The following CATSPERT variants were observed in gnomAD, a reference collection of about 807,000 sequenced individuals.
The protein encoded by CATSPERT is catsper channel auxiliary subunit tau, also known as cation channel sperm-associated targeting subunit tau.
the CATSPERT span, among the ~76,000 whole-genome samples, chr2:201,532,285 T>G: frequency 2.4e-4 from 36 of 152,362 alleles, no homozygotes; most frequent in East Asian, 2.7e-3. Flanking sequence ...TTGTCTTTTA[T>G]GTTCAACAAC....
the CATSPERT span, among the ~76,000 whole-genome samples, chr2:201,533,005 C>G: frequency 6.6e-6 from 1 of 152,192 alleles, no homozygotes; most frequent in East Asian, 1.9e-4. Flanking sequence ...AGTGGCATCT[C>G]AGGCCTTCTT....
At chr2:201,552,003 T>C in the CATSPERT span, among the ~76,000 whole-genome samples, 1 of 152,032 alleles carries the variant, frequency 6.6e-6, no homozygotes, top group Non-Finnish European at 1.5e-5. Flanking sequence ...TTTTTTTTTC[T>C]TTTTTGGGAC....
At chr2:201,488,769 G>C in the CATSPERT span, among the ~76,000 whole-genome samples, 1 of 152,114 alleles carries the variant, frequency 6.6e-6, no homozygotes. Context: ...TAAGAATTAG[G>C]CAGTCAGAAA....
the CATSPERT span, among the ~76,000 whole-genome samples, chr2:201,512,818 C>G: frequency 6.6e-6 from 1 of 151,108 alleles, no homozygotes; most frequent in Non-Finnish European, 1.5e-5. Context: ...ATTGGTGGGT[C>G]ATAGGGTAGT....
chr2:201,616,187 A>T, the CATSPERT span, among the ~76,000 whole-genome samples: 1 of 152,220 alleles, frequency 6.6e-6, no homozygotes, highest in Non-Finnish European at 1.5e-5. Context: ...AAAACAGGGA[A>T]TCATCCCAAA....
chr2:201,492,878 G>T, the CATSPERT span: 2 of 1,536,506 alleles, frequency 1.3e-6, no homozygotes, highest in Non-Finnish European at 1.7e-6. Flanking sequence ...TGCTGGATTT[G>T]TTTACTTAAT....
the CATSPERT span, among the ~76,000 whole-genome samples, chr2:201,540,156 A>C: frequency 3.3e-5 from 5 of 152,230 alleles, no homozygotes; most frequent in Non-Finnish European, 5.9e-5. Flanking sequence ...CCTTGAAGCC[A>C]GCAAATGTTG....
At chr2:201,505,077 C>G in the CATSPERT span, among the ~76,000 whole-genome samples, 3 of 152,198 alleles carry the variant, frequency 2.0e-5, no homozygotes, top group South Asian at 2.1e-4. Flanking sequence ...TAGCTGGGGG[C>G]TCCCCAAATG....
chr2:201,505,620 AAACAAC>A, the CATSPERT span, among the ~76,000 whole-genome samples: 1 of 151,450 alleles, frequency 6.6e-6, no homozygotes, highest in Non-Finnish European at 1.5e-5. Flanking sequence ...GTCATGTTAA[AAACAAC>A]AACAACAACA....
At chr2:201,588,765 A>G in the CATSPERT span, among the ~76,000 whole-genome samples, 8 of 152,198 alleles carry the variant, frequency 5.3e-5, no homozygotes, top group African/African-American at 1.9e-4. Flanking sequence ...GGCCAGGGCA[A>G]TCAGGCAAGT....
chr2:201,571,941 G>A, the CATSPERT span: 117 of 1,611,964 alleles, frequency 7.3e-5, no homozygotes, highest in Non-Finnish European at 8.7e-5. Flanking sequence ...AAACACTTAC[G>A]TCACGGGATC....
chr2:201,505,256 T>C, the CATSPERT span, among the ~76,000 whole-genome samples: 1 of 152,194 alleles, frequency 6.6e-6, no homozygotes, highest in African/African-American at 2.4e-5. Context: ...CTAATTTTTG[T>C]ATTTTTAGTA....
chr2:201,529,791 G>T, the CATSPERT span, among the ~76,000 whole-genome samples: 2 of 151,990 alleles, frequency 1.3e-5, no homozygotes, highest in Non-Finnish European at 2.9e-5. Flanking sequence ...GTACAGAAAA[G>T]GAAACAATGA....
the CATSPERT span, chr2:201,565,989 T>G: frequency 2.2e-6 from 2 of 903,110 alleles, no homozygotes; most frequent in Non-Finnish European, 3.1e-6. Flanking sequence ...CCTAGCCACC[T>G]TGGGCCATCG....
chr2:201,608,505 C>T, the CATSPERT span, among the ~76,000 whole-genome samples: 1 of 152,160 alleles, frequency 6.6e-6, no homozygotes, highest in Non-Finnish European at 1.5e-5. Context: ...CTTCTCACTA[C>T]TGCACTTCAC....
chr2:201,523,150 C>T, the CATSPERT span, among the ~76,000 whole-genome samples: 8 of 152,216 alleles, frequency 5.3e-5, no homozygotes, highest in Non-Finnish European at 8.8e-5. Context: ...GCACGTGGAC[C>T]TTGCCGCTGC....
At chr2:201,575,135 A>C in the CATSPERT span, 1 of 587,324 alleles carries the variant, frequency 1.7e-6, no homozygotes, top group Non-Finnish European at 2.8e-6. Context: ...TATTTCATAC[A>C]TTTCTACTAT....
chr2:201,541,683 C>T, the CATSPERT span, among the ~76,000 whole-genome samples: 1 of 151,096 alleles, frequency 6.6e-6, no homozygotes, highest in Admixed American at 6.6e-5. Flanking sequence ...GCAACCTCCA[C>T]CTCCCGGGTT....
At chr2:201,595,995 A>G in the CATSPERT span, among the ~76,000 whole-genome samples, 1 of 152,080 alleles carries the variant, frequency 6.6e-6, no homozygotes, top group Non-Finnish European at 1.5e-5. Flanking sequence ...AATAAGTTCA[A>G]CCATGGTGGA....
Sources: gnomAD v4.1 joint callset for allele counts (sites outside exome capture counted in the v4.1 genomes callset) on GRCh38, gnomAD v4.1.1 for gene constraint, MANE v1.5 for transcripts, NCBI Gene and HGNC (gene_info 2026-07-23, HGNC 2026-07-21) for gene names.